The following CCDC85C variants were observed in gnomAD, a reference collection of about 807,000 sequenced individuals.
CCDC85C encodes the protein coiled-coil domain containing 85C.
Under a neutral mutation model 38.3 loss-of-function variants are expected in CCDC85C, and 18 were observed. That is an observed-to-expected ratio of 0.47 (90% CI 0.33 to 0.70). The LOEUF (loss-of-function observed/expected upper bound fraction) is 0.70, where lower values mean the gene tolerates loss of function less well. CCDC85C is among the 30% of genes least tolerant of loss of function. The probability of loss-of-function intolerance (pLI) is 0.03; values close to 1 mark genes in which losing one functional copy is unlikely to be tolerated. For synonymous variants in CCDC85C, 264 were observed against 293.8 expected (o/e 0.90, Z 1.04); for missense variants, 566 against 621.2 (o/e 0.91, Z 0.94).
rs1898156726 is a variant in CCDC85C, at chr14:99,563,467, C to A, written c.794-27379G>T. Among the ~76,000 whole-genome samples, 4 of 152,402 alleles carry A rather than the reference C, an allele frequency of 2.6e-5. No individual in the cohort carries two copies. The South Asian group carries it at 6.2e-4, about 24-fold the overall frequency. On this transcript the variant is annotated intron_variant, in intron 1 of 5. Coordinates refer to ENST00000380243, the MANE Select transcript of CCDC85C (RefSeq NM_001144995.2). Reference sequence around the variant, plus strand: ...CCCTGGCCACCTTCTGCTCCTGAGCCCACAGGCACAGGCAGCTTCGAGCAC... The same window carrying A: ...CCCTGGCCACCTTCTGCTCCTGAGCACACAGGCACAGGCAGCTTCGAGCAC...
At position 99,506,841 on chromosome 14, in the gene CCDC85C, G is replaced by A. The variant is rs1896987827; in HGVS notation, c.*8405C>T. ...CAGCAAGGAAACTTAGGTAGACATGGAAAATGGGCTGCCTGTGGGAAGCTC... is the reference window on the plus strand; with the variant it reads ...CAGCAAGGAAACTTAGGTAGACATGAAAAATGGGCTGCCTGTGGGAAGCTC... On this transcript the variant is annotated 3_prime_UTR_variant, in exon 6 of 6. Transcript: ENST00000380243. The A allele has an allele frequency of 2.0e-6, 1 of 495,938 alleles. No individual in the cohort carries two copies. 30.7% of individuals were successfully genotyped at this position (495,938 alleles called of 1,614,324 possible). A position where few individuals can be genotyped will look rare whatever the true frequency, so the allele number is the denominator to read the frequency against.
At chr14:99,559,812 C>G (rs1898082507) in intron 1 of CCDC85C, among the ~76,000 whole-genome samples, 1 of 152,080 alleles carries the variant, frequency 6.6e-6, no homozygotes, top group Admixed American at 6.6e-5. Flanking sequence ...CTGAAAAAGC[C>G]AGATTCCACA....
rs147462587 is a variant in CCDC85C at position 99,551,351 on chromosome 14, G to A, written c.794-15263C>T. On this transcript the variant is annotated intron_variant, in intron 1 of 5. Transcript: ENST00000380243. Reference sequence around the variant, plus strand: ...TGAACAAGCAAGCAGGTGAACAGGTGAATGAGTGAGCAGGTAGGTGTGCAG... The same window carrying A: ...TGAACAAGCAAGCAGGTGAACAGGTAAATGAGTGAGCAGGTAGGTGTGCAG... Among the ~76,000 whole-genome samples the A allele has an allele frequency of 2.3e-3, 353 of 152,324 alleles. 2 individuals are homozygous for A. Among genetic ancestry groups the A allele is most frequent in the Non-Finnish European group, 3.7e-3 (251 of 68,030 alleles).
chr14:99,550,238 A>G (rs1477647076), intron 1 of CCDC85C, among the ~76,000 whole-genome samples: 1 of 152,196 alleles, frequency 6.6e-6, no homozygotes, highest in East Asian at 1.9e-4. Flanking sequence ...GGAGGAGATT[A>G]GTCTGGATTA....
At chr14:99,585,518 C>T (rs1370656647) in intron 1 of CCDC85C, among the ~76,000 whole-genome samples, 1 of 152,194 alleles carries the variant, frequency 6.6e-6, no homozygotes, top group African/African-American at 2.4e-5. Flanking sequence ...CTTTGCCCTG[C>T]AAGGGTCAAA....
At position 99,603,804 on chromosome 14, in the gene CCDC85C, C is replaced by T. The variant is rs1595115082; in HGVS notation, c.156G>A (p.Leu52=). Residue 52 remains leucine, a synonymous_variant, in exon 1 of 6, where the codon CTG becomes CTA. Coordinates refer to ENST00000380243, the MANE Select transcript of CCDC85C (RefSeq NM_001144995.2). The surrounding 1 kb of genome is among the most constrained non-coding windows in gnomAD (Gnocchi z 7.5). ...GCAGCCGCCGGTTCACGTCGCGCATCAGGCCGCCGTGCTCCAGCATGAGGC... is the reference window on the plus strand; with the variant it reads ...GCAGCCGCCGGTTCACGTCGCGCATTAGGCCGCCGTGCTCCAGCATGAGGC... ...KVGLMLEHGG[L]MRDVNRRLQQ... is the part of the protein sequence containing the mutation. The T allele has an allele frequency of 6.6e-7, 1 of 1,525,094 alleles. No homozygotes were observed. The highest frequency in any genetic ancestry group is 8.8e-7 in the Non-Finnish European group (1 of 1,142,228). 94.5% of individuals were successfully genotyped at this position (1,525,094 alleles called of 1,614,324 possible). A position where few individuals can be genotyped will look rare whatever the true frequency, so the allele number is the denominator to read the frequency against.
Position 99,603,637 on chromosome 14 carries a change from A to C in CCDC85C, c.323T>G (p.Phe108Cys). 3 of 1,471,460 alleles carry C rather than the reference A, an allele frequency of 2.0e-6. No homozygotes were observed. Among genetic ancestry groups the C allele is most frequent in the Non-Finnish European group, 2.7e-6 (3 of 1,112,476 alleles). 91.2% of individuals were successfully genotyped at this position (1,471,460 alleles called of 1,614,324 possible). A position where few individuals can be genotyped will look rare whatever the true frequency, so the allele number is the denominator to read the frequency against. The change falls in exon 1 of 6, where the codon TTC becomes TGC. Residue 108 changes from phenylalanine (F) to cysteine (C), a missense_variant. Phe to Cys is a radical substitution (Grantham distance 205). Coordinates refer to ENST00000380243, the MANE Select transcript of CCDC85C (RefSeq NM_001144995.2). The surrounding 1 kb of genome is among the most constrained non-coding windows in gnomAD (Gnocchi z 7.5). ...CACGGCGCCGGCCGCGTGGCGCCCG[A>C]AGCGCTGCCACTCGCGCGCCAGCTT... The part of the protein sequence containing the change: ...GRKLAREWQR[F>C]GRHAAGAVWH...
rs1394247988 is a variant in CCDC85C at position 99,520,165 on chromosome 14, A to G, written c.975+1968T>C. Among the ~76,000 whole-genome samples, 1 of 152,134 alleles carries G rather than the reference A, an allele frequency of 6.6e-6. No homozygotes were observed. Among genetic ancestry groups the G allele is most frequent in the Non-Finnish European group, 1.5e-5 (1 of 68,000 alleles). On this transcript the variant is annotated intron_variant, in intron 3 of 5. Coordinates refer to ENST00000380243, the MANE Select transcript of CCDC85C (RefSeq NM_001144995.2). The surrounding 1 kb of genome is among the most constrained non-coding windows in gnomAD (Gnocchi z 4.1). ...TCTCCAGCATGCCCTCAATGTGCCC[A>G]TGACCCACAGGTAGCCTTAAAGGAG...
chr14:99,589,068 C>G (rs940144820), intron 1 of CCDC85C, among the ~76,000 whole-genome samples: 1 of 145,904 alleles, frequency 6.9e-6, no homozygotes, highest in Non-Finnish European at 1.5e-5. Flanking sequence ...TAAACAAAAA[C>G]AGCTTCAGGA....
rs1456366682 is a variant in CCDC85C, at chr14:99,512,373, CA to C, written c.*2872del. On this transcript the variant is annotated 3_prime_UTR_variant, in exon 6 of 6. Coordinates refer to ENST00000380243, the MANE Select transcript of CCDC85C (RefSeq NM_001144995.2). ...AAAAAGCAGCACAAATACTTTGCCC[CA>C]CAGTATGAAAAATATACACCTCTAC... The C allele has an allele frequency of 6.6e-6, 1 of 151,472 alleles. No homozygotes were observed. Among genetic ancestry groups the C allele is most frequent in the Non-Finnish European group, 1.5e-5 (1 of 67,952 alleles). 9.4% of individuals were successfully genotyped at this position (151,472 alleles called of 1,614,324 possible).
rs566141850 is a variant in CCDC85C at position 99,533,805 on chromosome 14, G to A, written c.867+2210C>T. Among the ~76,000 whole-genome samples the A allele has an allele frequency of 2.8e-4, 43 of 152,358 alleles. No individual in the cohort carries two copies. The highest frequency in any genetic ancestry group is 5.1e-4 in the Non-Finnish European group (35 of 68,024). ...CTGTGCACAGGTGGGTGCAGGGCAGGTGGACACAGGTTATGGTGGAGGGCC... is the reference window on the plus strand; with the variant it reads ...CTGTGCACAGGTGGGTGCAGGGCAGATGGACACAGGTTATGGTGGAGGGCC... On this transcript the variant is annotated intron_variant, in intron 2 of 5. Transcript: ENST00000380243. This position sits in a 1 kb window ranked among gnomAD's most constrained non-coding sequence, Gnocchi z 4.2.
In CCDC85C at chr14:99,500,562, C is replaced by T. The variant is rs1383208229; in HGVS notation, c.*14684G>A. On this transcript the variant is annotated 3_prime_UTR_variant, in exon 6 of 6. Coordinates refer to ENST00000380243, the MANE Select transcript of CCDC85C (RefSeq NM_001144995.2). Reference sequence around the variant, plus strand: ...TATTTTTTTTTACATTACACCTCTGCTTTGTCTTCCTGTTTGAGATCTTTT... The same window carrying T: ...TATTTTTTTTTACATTACACCTCTGTTTTGTCTTCCTGTTTGAGATCTTTT... 1.9e-6 allele frequency: 1 copy of T among 538,470 alleles called. No homozygotes were observed. Among genetic ancestry groups the T allele is most frequent in the African/African-American group, 2.0e-5 (1 of 50,172 alleles). 33.4% of individuals were successfully genotyped at this position (538,470 alleles called of 1,614,324 possible). A position where few individuals can be genotyped will look rare whatever the true frequency, so the allele number is the denominator to read the frequency against.
chr14:99,534,631 A>G (rs1173614768), intron 2 of CCDC85C: 6 of 702,220 alleles, frequency 8.5e-6, no homozygotes, highest in Non-Finnish European at 1.6e-5. Context: ...TCCCTAAGCC[A>G]TGACCTTCTC....
chr14:99,550,554 C>T (rs1370134621), intron 1 of CCDC85C, among the ~76,000 whole-genome samples: 3 of 152,220 alleles, frequency 2.0e-5, no homozygotes, highest in African/African-American at 7.2e-5. Flanking sequence ...ACAAGAACTA[C>T]AAGTCATGGC....
rs3918110 is a variant in CCDC85C at position 99,506,647 on chromosome 14, GAT to G, written c.*8597_*8598del. 2,285 of 166,628 alleles carry G rather than the reference GAT, an allele frequency of 0.014. 22 individuals carry two copies. Among genetic ancestry groups the G allele is most frequent in the Non-Finnish European group, 0.018 (1,391 of 76,072 alleles). The allele number at this position is 166,628 out of a possible 1,614,324, so 10.3% of individuals were successfully genotyped here. On this transcript the variant is annotated 3_prime_UTR_variant, in exon 6 of 6. Transcript: ENST00000380243. ...AATAAACTATGTCTAAGAATGAAAAGATAGAGATTCTCTTGTGGAACCCTCAG... is the reference window on the plus strand; with the variant it reads ...AATAAACTATGTCTAAGAATGAAAAGAGAGATTCTCTTGTGGAACCCTCAG...
rs560923597 is a variant in CCDC85C at position 99,513,868 on chromosome 14, A to G, written c.*1378T>C. 2.6e-5 allele frequency: 4 copies of G among 152,546 alleles called. No homozygotes were observed. The highest frequency in any genetic ancestry group is 4.8e-5 in the African/African-American group (2 of 41,568). The allele number at this position is 152,546 out of a possible 1,614,324, so 9.4% of individuals were successfully genotyped here. ...TCAAAATCCCTGTCATGTGCCACAC[A>G]TCACCCCCTCTAGGCCTTACTTTCC... On this transcript the variant is annotated 3_prime_UTR_variant, in exon 6 of 6. Transcript: ENST00000380243.
chr14:99,507,354 AT>A lies in CCDC85C; in HGVS notation c.*7891del, dbSNP rs1040738936. ...CACTTTGGGAGGCGGAGGCAGGAGA[AT>A]CACCTGACCCCAGGAGTTCGAGGTC... On this transcript the variant is annotated 3_prime_UTR_variant, in exon 6 of 6. Transcript: ENST00000380243. 1.8e-6 allele frequency: 1 copy of A among 563,882 alleles called. No individual in the cohort carries two copies. The highest frequency in any genetic ancestry group is 3.2e-6 in the Non-Finnish European group (1 of 312,506). The allele number at this position is 563,882 out of a possible 1,614,324, so 34.9% of individuals were successfully genotyped here.
At chr14:99,571,865 T>G (rs573848395) in intron 1 of CCDC85C, among the ~76,000 whole-genome samples, 38 of 152,316 alleles carry the variant, frequency 2.5e-4, no homozygotes, top group African/African-American at 9.1e-4. Flanking sequence ...GCCCCTTTTC[T>G]TCCTGCTTTC....
chr14:99,542,147 T>G (rs1897725905), intron 1 of CCDC85C, among the ~76,000 whole-genome samples: 1 of 152,254 alleles, frequency 6.6e-6, no homozygotes, highest in African/African-American at 2.4e-5. Flanking sequence ...GCAGCTTGGC[T>G]GATTAAATCC....
Sources: gnomAD v4.1 joint callset for allele counts (sites outside exome capture counted in the v4.1 genomes callset) on GRCh38, gnomAD v4.1.1 for gene constraint, Gnocchi (gnomAD v3.1) non-coding constraint, MANE v1.5 for transcripts, NCBI Gene and HGNC (gene_info 2026-07-23, HGNC 2026-07-21) for gene names.